AKT2: variants seen among roughly 807,000 people sequenced by gnomAD.
AKT2 encodes AKT serine/threonine kinase 2.
Under a neutral mutation model 58.6 loss-of-function variants are expected in AKT2, and 16 were observed. The ratio of observed to expected loss-of-function variants is 0.27; its 90% CI spans 0.18 to 0.41. The LOEUF (loss-of-function observed/expected upper bound fraction) is 0.41, where lower values mean the gene tolerates loss of function less well. Among genes scored for constraint, AKT2 ranks in the 10% least tolerant of loss-of-function variants. The probability of loss-of-function intolerance (pLI) is 1.00; values close to 1 mark genes in which losing one functional copy is unlikely to be tolerated. For synonymous variants in AKT2, 253 were observed against 254.0 expected, an observed-to-expected ratio of 1.00 and a Z score of 0.04; for missense variants, 438 against 661.0, an observed-to-expected ratio of 0.66 and a Z score of 3.70.
At chr19:40,263,036 A>G (rs567696565) in intron 2 of AKT2, among the ~76,000 whole-genome samples, 1 of 152,318 alleles carries the variant, frequency 6.6e-6, no homozygotes, top group African/African-American at 2.4e-5. Flanking sequence ...TGTCAGAGCT[A>G]GGCCATCCCA....
chr19:40,254,542 A>G (rs9710247), intron 4 of AKT2, among the ~76,000 whole-genome samples: 63,889 of 149,970 alleles, frequency 0.43, 15,286 homozygotes, highest in South Asian at 0.62. Flanking sequence ...AAAAAAAAAA[A>G]GGGGGTCAGG....
In AKT2 at chr19:40,231,955, G is replaced by A. The variant is rs1334980170; in HGVS notation, c.*1917C>T. The A allele has an allele frequency of 4.3e-6, 1 of 233,168 alleles. No homozygotes were observed. The highest frequency in any genetic ancestry group is 8.5e-6 in the Non-Finnish European group (1 of 118,110). The allele number at this position is 233,168 out of a possible 1,614,324, so 14.4% of individuals were successfully genotyped here. On this transcript the variant is annotated 3_prime_UTR_variant, in exon 14 of 14. Transcript: ENST00000392038. ...GCCCCCCTCTGAGGCTCGGCAGCCGGGTGGAATGAACCACTCCCTCTCATT... is the reference window on the plus strand; with the variant it reads ...GCCCCCCTCTGAGGCTCGGCAGCCGAGTGGAATGAACCACTCCCTCTCATT...
In AKT2 at chr19:40,232,768, C is replaced by G. The variant is rs1315896862; in HGVS notation, c.*1104G>C. 1 of 233,510 alleles carries G rather than the reference C, an allele frequency of 4.3e-6. No individual in the cohort carries two copies. Among genetic ancestry groups the G allele is most frequent in the Non-Finnish European group, 8.5e-6 (1 of 118,298 alleles). The allele number at this position is 233,510 out of a possible 1,614,324, so 14.5% of individuals were successfully genotyped here. A position where few individuals can be genotyped will look rare whatever the true frequency, so the allele number is the denominator to read the frequency against. On this transcript the variant is annotated 3_prime_UTR_variant, in exon 14 of 14. Coordinates refer to ENST00000392038, the MANE Select transcript of AKT2 (RefSeq NM_001626.6). ...CGTGTGCCTGCGTCCCGCCGACACA[C>G]GCAGTCCGAGGCACGCACAGGAGTC...
chr19:40,264,510 G>C (rs1472271664), intron 2 of AKT2, among the ~76,000 whole-genome samples: 2 of 152,066 alleles, frequency 1.3e-5, no homozygotes, highest in Non-Finnish European at 2.9e-5. Context: ...ACTCCGCGTT[G>C]CTCCTCTGCT....
intron 4 of AKT2, among the ~76,000 whole-genome samples, chr19:40,253,571 C>T (rs575529135): frequency 1.3e-5 from 2 of 152,160 alleles, no homozygotes; most frequent in African/African-American, 4.8e-5. Context: ...TTTTCCACTG[C>T]TCAGACTGGT....
At chr19:40,240,009 G>A in intron 7 of AKT2, 36 bp downstream of exon 7, 2 of 1,600,658 alleles carry the variant, frequency 1.2e-6, no homozygotes, top group Non-Finnish European at 1.7e-6. Flanking sequence ...TCCAAAGGCT[G>A]GCCTCACACT....
intron 6 of AKT2, among the ~76,000 whole-genome samples, chr19:40,240,510 A>G (rs527930463): frequency 2.0e-5 from 3 of 152,352 alleles, no homozygotes; most frequent in South Asian, 4.1e-4. Context: ...GTCCCCACAC[A>G]GCACCTCAGC....
intron 1 of AKT2, among the ~76,000 whole-genome samples, chr19:40,267,193 G>C (rs1209956934): frequency 2.0e-5 from 3 of 152,062 alleles, no homozygotes; most frequent in Non-Finnish European, 4.4e-5. Flanking sequence ...CTCCTGCTCA[G>C]AACCTTTGTG....
intron 1 of AKT2, among the ~76,000 whole-genome samples, chr19:40,268,170 G>A (rs1976497139): frequency 2.6e-5 from 4 of 152,180 alleles, no homozygotes; most frequent in East Asian, 1.9e-4. Context: ...AAATGGCTGG[G>A]AGGGAGAACT....
At chr19:40,261,538 A>AC (rs889886008) in intron 2 of AKT2, among the ~76,000 whole-genome samples, 6 of 151,802 alleles carry the variant, frequency 4.0e-5, no homozygotes, top group Non-Finnish European at 7.4e-5. Context: ...ATCTCAAAAA[A>AC]AAAAAAAAAC....
intron 1 of AKT2, among the ~76,000 whole-genome samples, chr19:40,277,848 G>T (rs1004109274): frequency 2.0e-5 from 3 of 152,190 alleles, no homozygotes; most frequent in Admixed American, 1.3e-4. Flanking sequence ...GTGGCACATA[G>T]AAGTGATTCA....
rs1010551997 is a variant in AKT2 at position 40,235,137 on chromosome 19, G to T, written c.1274C>A (p.Pro425His). The T allele has an allele frequency of 6.2e-7, 1 of 1,614,026 alleles. No individual in the cohort carries two copies. Among genetic ancestry groups the T allele is most frequent in the Non-Finnish European group, 8.5e-7 (1 of 1,179,984 alleles). Reference sequence around the variant, plus strand: ...CTCGGACGTGACCTGAGGTTTGAAGGGTGGCAGGAGCTACGGAGGAGAGGA... The same window carrying T: ...CTCGGACGTGACCTGAGGTTTGAAGTGTGGCAGGAGCTACGGAGGAGAGGA... ...QDVVQKKLLP[P>H]FKPQVTSEVD... The change falls in exon 13 of 14, where the codon CCC becomes CAC. Residue 425 changes from proline (P) to histidine (H), a missense_variant. Coordinates refer to ENST00000392038, the MANE Select transcript of AKT2 (RefSeq NM_001626.6). This position sits in a 1 kb window ranked among gnomAD's most constrained non-coding sequence, Gnocchi z 6.3.
rs1347871428 is a variant in AKT2, at chr19:40,242,874, C to T, written c.288-187G>A. ...GACCTGAGTGAAATTCCACGCCAGG[C>T]GCAGTGGCTCATGCCTATAATCCCA... On this transcript the variant is annotated intron_variant, in intron 4 of 13. Transcript: ENST00000392038. The surrounding 1 kb of genome is among the most constrained non-coding windows in gnomAD (Gnocchi z 4.3). 1.1e-5 allele frequency: 7 copies of T among 651,184 alleles called. No homozygotes were observed. The highest frequency in any genetic ancestry group is 2.8e-5 in the East Asian group (1 of 35,390). 40.3% of individuals were successfully genotyped at this position (651,184 alleles called of 1,614,324 possible).
intron 1 of AKT2, among the ~76,000 whole-genome samples, chr19:40,268,227 C>A (rs956975133): frequency 6.6e-6 from 1 of 152,202 alleles, no homozygotes; most frequent in African/African-American, 2.4e-5. Flanking sequence ...AACAGGGGCT[C>A]CATGTCTCAT....
rs189347225 is a variant in AKT2 at position 40,278,707 on chromosome 19, C to T, written c.-85+6474G>A. 4.9e-3 allele frequency among the ~76,000 whole-genome samples: 753 copies of T among 152,170 alleles called. 16 individuals are homozygous for T. The highest frequency in any genetic ancestry group is 2.9e-3 in the Non-Finnish European group (195 of 67,996). Reference sequence around the variant, plus strand: ...GGTGCCCTCAGTCCTGTCTGGCAATCACCAGGAGTAGCATCAGCCCAAATT... The same window carrying T: ...GGTGCCCTCAGTCCTGTCTGGCAATTACCAGGAGTAGCATCAGCCCAAATT... On this transcript the variant is annotated intron_variant, in intron 1 of 13. Coordinates refer to ENST00000392038, the MANE Select transcript of AKT2 (RefSeq NM_001626.6).
intron 6 of AKT2, among the ~76,000 whole-genome samples, chr19:40,240,524 G>A (rs1010004346): frequency 7.2e-5 from 11 of 152,300 alleles, no homozygotes; most frequent in African/African-American, 1.9e-4. Context: ...CCTCAGCACC[G>A]CCTGGGAACT....
In AKT2 at chr19:40,237,559, C is replaced by T. The variant is rs28746189; in HGVS notation, c.831+410G>A. The T allele has an allele frequency of 5.0e-3, 996 of 199,382 alleles. 15 individuals are homozygous for T. Among genetic ancestry groups the T allele is most frequent in the African/African-American group, 0.022 (952 of 42,528 alleles). 12.4% of individuals were successfully genotyped at this position (199,382 alleles called of 1,614,324 possible). On this transcript the variant is annotated intron_variant, in intron 9 of 13. Transcript: ENST00000392038. The surrounding 1 kb of genome is among the most constrained non-coding windows in gnomAD (Gnocchi z 4.5). ...ATTCGGGAGGCTGAGGCAGGACAAT[C>T]GCTTGAACCCGGGAGGCAGAGGTTG...
At chr19:40,257,205 G>A in intron 2 of AKT2, 151 bp from the exon 3 acceptor site, 2 of 1,095,618 alleles carry the variant, frequency 1.8e-6, no homozygotes, top group South Asian at 1.3e-5. Context: ...CTCTCCCAGA[G>A]GAGCCCTCCA....
chr19:40,236,636 C>T (rs1447736541), intron 9 of AKT2: 6 of 552,326 alleles, frequency 1.1e-5, no homozygotes, highest in East Asian at 3.2e-5. Flanking sequence ...GCCCTGTCCA[C>T]CCACCGTCCC....
Sources: gnomAD v4.1 joint callset for allele counts (sites outside exome capture counted in the v4.1 genomes callset) on GRCh38, gnomAD v4.1.1 for gene constraint, Gnocchi (gnomAD v3.1) non-coding constraint, MANE v1.5 for transcripts, NCBI Gene and HGNC (gene_info 2026-07-23, HGNC 2026-07-21) for gene names.